The following MED13L variants were observed in gnomAD, a reference collection of about 807,000 sequenced individuals.
MED13L encodes the protein mediator complex subunit 13L, also known as mediator of RNA polymerase II transcription subunit 13-like.
MED13L carries 7 observed loss-of-function variants against 220.9 expected under a neutral mutation model. The ratio of observed to expected loss-of-function variants is 0.03; its 90% CI spans 0.02 to 0.06. The LOEUF (loss-of-function observed/expected upper bound fraction) is 0.06. Ranked by LOEUF, MED13L falls within the 10% of genes least tolerant of loss-of-function variation. The pLI is 1.00. For synonymous variants in MED13L, 1,011 were observed against 1,015.2 expected (o/e 1.00, Z 0.08); for missense variants, 1,965 against 2,760.5 (o/e 0.71, Z 6.46).
At chr12:116,051,539 T>C (rs745904327) in intron 4 of MED13L, among the ~76,000 whole-genome samples, 17 of 152,200 alleles carry the variant, frequency 1.1e-4, no homozygotes, top group African/African-American at 1.7e-4. Flanking sequence ...ATATCCTTTA[T>C]TCAAAATGCT....
chr12:115,968,053 T>TCCCCC (rs57877420), intron 28 of MED13L, among the ~76,000 whole-genome samples: 2 of 40,628 alleles, frequency 4.9e-5, no homozygotes, highest in African/African-American at 8.6e-5. Context: ...GGAATAAAAG[T>TCCCCC]CCCCCCCCCC....
At chr12:116,151,898 A>C (rs920003251) in intron 2 of MED13L, among the ~76,000 whole-genome samples, 1 of 152,158 alleles carries the variant, frequency 6.6e-6, no homozygotes, top group Non-Finnish European at 1.5e-5. Flanking sequence ...ATATTTCTGT[A>C]TGTTTTCTCT....
chr12:116,255,040 G>A (rs184514775), intron 1 of MED13L, among the ~76,000 whole-genome samples: 8 of 152,110 alleles, frequency 5.3e-5, no homozygotes, highest in Admixed American at 3.9e-4. Context: ...TAATTGACAC[G>A]CTGATCCTAA....
intron 2 of MED13L, among the ~76,000 whole-genome samples, chr12:116,111,853 T>C (rs1270107863): frequency 2.0e-5 from 3 of 152,184 alleles, no homozygotes; most frequent in Non-Finnish European, 4.4e-5. Context: ...ACTAATTTTG[T>C]TAAAGTTCTA....
At chr12:116,196,373 C>T (rs1390142911) in intron 2 of MED13L, among the ~76,000 whole-genome samples, 1 of 148,786 alleles carries the variant, frequency 6.7e-6, no homozygotes, top group Non-Finnish European at 1.5e-5. Flanking sequence ...AAGTAAGGTG[C>T]AATTAACAAA....
intron 4 of MED13L, among the ~76,000 whole-genome samples, chr12:116,059,482 A>G (rs1464301250): frequency 6.9e-6 from 1 of 145,098 alleles, no homozygotes; most frequent in African/African-American, 2.6e-5. Flanking sequence ...AGTGGGTGTG[A>G]TCTTGGCTCA....
Position 116,237,559 on chromosome 12 carries a change from A to G in MED13L, c.219T>C (p.Arg73=), listed in dbSNP as rs1268239201. The G allele has an allele frequency of 6.2e-7, 1 of 1,614,156 alleles. No individual in the cohort carries two copies. The highest frequency in any genetic ancestry group is 2.2e-5 in the East Asian group (1 of 44,878). The change falls in exon 2 of 31, where the codon CGT becomes CGC. Residue 73 remains arginine (R), a synonymous_variant. Transcript: ENST00000281928. ...CTTTGCAATCTGGTTTGACATCACG[A>G]CGCCATACACAAAGCAGGTTAGCTT... ...CLQANLLCVW[R]RDVKPDCKEL... is the part of the protein sequence containing the mutation.
At chr12:116,272,603 G>GCAT (rs1873468674) in intron 1 of MED13L, among the ~76,000 whole-genome samples, 1 of 151,842 alleles carries the variant, frequency 6.6e-6, no homozygotes, top group Non-Finnish European at 1.5e-5. Context: ...TAAGCACCTG[G>GCAT]CATAAATTCA....
intron 4 of MED13L, among the ~76,000 whole-genome samples, chr12:116,094,261 T>C (rs1019257263): frequency 5.9e-5 from 9 of 152,226 alleles, no homozygotes; most frequent in Non-Finnish European, 1.2e-4. Context: ...ATCTTTGGTT[T>C]AAATGTTTTC....
chr12:115,959,136 A>G lies in MED13L; in HGVS notation c.*2130T>C, dbSNP rs1485583848. The G allele has an allele frequency of 1.3e-5, 2 of 152,632 alleles. No homozygotes were observed. The highest frequency in any genetic ancestry group is 4.8e-5 in the African/African-American group (2 of 41,468). 9.5% of individuals were successfully genotyped at this position (152,632 alleles called of 1,614,324 possible). On this transcript the variant is annotated 3_prime_UTR_variant, in exon 31 of 31. Transcript: ENST00000281928. ...AAATATTATACAGACTTTTTCACACAGAAGTACATAATAAGATTTTTTAAA... is the reference window on the plus strand; with the variant it reads ...AAATATTATACAGACTTTTTCACACGGAAGTACATAATAAGATTTTTTAAA...
intron 1 of MED13L, among the ~76,000 whole-genome samples, chr12:116,263,297 A>G (rs904323806): frequency 3.3e-5 from 5 of 152,204 alleles, no homozygotes; most frequent in African/African-American, 4.8e-5. Flanking sequence ...ATTATAAATT[A>G]AACTATGTAA....
chr12:116,134,129 A>C (rs1208053248), intron 2 of MED13L, among the ~76,000 whole-genome samples: 1 of 152,190 alleles, frequency 6.6e-6, no homozygotes, highest in African/African-American at 2.4e-5. Context: ...TTTTGATATT[A>C]GATGATATAC....
At chr12:116,132,790 T>G (rs1328721761) in intron 2 of MED13L, among the ~76,000 whole-genome samples, 1 of 151,778 alleles carries the variant, frequency 6.6e-6, no homozygotes, top group African/African-American at 2.4e-5. Flanking sequence ...TGTGGTGGTG[T>G]GTGCCTGTAA....
chr12:116,136,378 CTGAG>C (rs1876552446), intron 2 of MED13L, among the ~76,000 whole-genome samples: 1 of 152,108 alleles, frequency 6.6e-6, no homozygotes, highest in Non-Finnish European at 1.5e-5. Context: ...CTTCTCATAA[CTGAG>C]TATCACCACA....
At chr12:116,166,023 G>A (rs575896891) in intron 2 of MED13L, among the ~76,000 whole-genome samples, 1 of 152,242 alleles carries the variant, frequency 6.6e-6, no homozygotes, top group South Asian at 2.1e-4. Flanking sequence ...TCTACTTCAA[G>A]TATATTCTAC....
intron 2 of MED13L, among the ~76,000 whole-genome samples, chr12:116,128,073 G>A (rs1875747740): frequency 6.6e-6 from 1 of 152,124 alleles, no homozygotes; most frequent in Admixed American, 6.5e-5. Flanking sequence ...AAGTAGTCCT[G>A]TCCCAGTCAG....
At chr12:116,088,058 G>T (rs1317051230) in intron 4 of MED13L, among the ~76,000 whole-genome samples, 11 of 152,092 alleles carry the variant, frequency 7.2e-5, no homozygotes, top group Admixed American at 7.2e-4. Flanking sequence ...GTTACCAAAT[G>T]CAGGAAGATC....
At chr12:116,265,042 T>C (rs1254025881) in intron 1 of MED13L, among the ~76,000 whole-genome samples, 1 of 152,134 alleles carries the variant, frequency 6.6e-6, no homozygotes, top group Non-Finnish European at 1.5e-5. Context: ...TACCTTGCCA[T>C]TCATTCACTC....
intron 22 of MED13L, among the ~76,000 whole-genome samples, chr12:115,981,355 A>G (rs1430901698): frequency 6.6e-6 from 1 of 152,250 alleles, no homozygotes; most frequent in East Asian, 1.9e-4. Context: ...AAAACAATGG[A>G]AAACTATCAG....
Sources: allele counts gnomAD v4.1 joint callset (sites outside exome capture counted in the v4.1 genomes callset), GRCh38; gene constraint gnomAD v4.1.1; transcripts MANE v1.5; gene names NCBI Gene and HGNC (gene_info 2026-07-23, HGNC 2026-07-21).